NLRP2: variants seen among roughly 807,000 people sequenced by gnomAD.
The protein encoded by NLRP2 is NLR family pyrin domain containing 2, also known as NACHT, LRR and PYD domains-containing protein 2.
In NLRP2, 107 loss-of-function variants were observed where a neutral mutation model predicts 97.2. The ratio of observed to expected loss-of-function variants is 1.10; its 90% CI spans 0.94 to 1.29. The LOEUF (loss-of-function observed/expected upper bound fraction) is 1.29, where lower values mean the gene tolerates loss of function less well. NLRP2 is among the 50% of genes most tolerant of loss of function. The pLI, the probability that NLRP2 is intolerant of heterozygous loss-of-function variation, is 0.00. For missense variants in NLRP2, 1,495 were observed against 1,330.3 expected (o/e 1.12, Z -1.93); for synonymous variants, 663 against 551.5 (o/e 1.20, Z -2.83).
chr19:54,995,298 C>T (rs2072748599), intron 11 of NLRP2, among the ~76,000 whole-genome samples: 1 of 142,066 alleles, frequency 7.0e-6, no homozygotes, highest in Admixed American at 7.5e-5. Context: ...TCAAGTGATT[C>T]TCCTGCCTTA....
At chr19:54,972,275 GGGTTC>G (rs1290623144) in intron 2 of NLRP2, among the ~76,000 whole-genome samples, 6 of 151,898 alleles carry the variant, frequency 4.0e-5, no homozygotes, top group Non-Finnish European at 8.8e-5. Context: ...CCCGCCCCCT[GGGTTC>G]AAGTGTTTCT....
chr19:54,977,760 C>A lies in NLRP2; in HGVS notation c.334C>A (p.Arg112=). 6.2e-7 allele frequency: 1 copy of A among 1,613,754 alleles called. No individual in the cohort carries two copies. The highest frequency in any genetic ancestry group is 8.5e-7 in the Non-Finnish European group (1 of 1,180,002). The change falls in exon 4 of 13, where the codon CGG becomes AGG. Residue 112 remains arginine (R), a synonymous_variant. Coordinates refer to ENST00000448584, the MANE Select transcript of NLRP2 (RefSeq NM_017852.5). ...KRKPLSLGIT[R]KERPPLDVDE... ...CCGCCCTTTTTCTCCAGGGATAACACGGAAAGAACGACCACCTCTAGACGT... is the reference window on the plus strand; with the variant it reads ...CCGCCCTTTTTCTCCAGGGATAACAAGGAAAGAACGACCACCTCTAGACGT...
chr19:54,983,425 G>A lies in NLRP2; in HGVS notation c.1727G>A (p.Arg576Gln), dbSNP rs146643490. Residue 576 changes from arginine to glutamine, a missense_variant, in exon 6 of 13, where the codon CGG (arginine) becomes CAG (glutamine). Coordinates refer to ENST00000448584, the MANE Select transcript of NLRP2 (RefSeq NM_017852.5). ...GAGTTGGAGGCCACTTTTGGCTGCC[G>A]GATGTCACCGGACATCAAACAGGAA... Reference protein sequence around the residue: ...AKELEATFGCRMSPDIKQELL... With the variant: ...AKELEATFGCQMSPDIKQELL... 665 of 1,614,186 alleles carry A rather than the reference G, an allele frequency of 4.1e-4. 4 individuals are homozygous for A. The highest frequency in any genetic ancestry group is 1.9e-4 in the African/African-American group (14 of 75,048).
rs529613444 is a variant in NLRP2, at chr19:54,993,106, C to CT, written c.2709-1161dup. On this transcript the variant is annotated intron_variant, in intron 10 of 12. Transcript: ENST00000448584. The stretch of plus-strand genomic sequence containing the variant: ...GTGGTGTCGGAGCCTGTAATCCCAG[C>CT]TTACTTGGGAGGGTGAGGCAGAGAA... The CT allele has an allele frequency of 5.7e-4, 86 of 150,814 alleles. 1 individual carries two copies. The highest frequency in any genetic ancestry group is 1.9e-3 in the African/African-American group (80 of 41,048). The allele number at this position is 150,814 out of a possible 1,614,324, so 9.3% of individuals were successfully genotyped here.
intron 1 of NLRP2, among the ~76,000 whole-genome samples, chr19:54,968,620 G>GCC (rs1270753954): frequency 6.6e-6 from 1 of 151,134 alleles, no homozygotes; most frequent in Non-Finnish European, 1.5e-5. Context: ...GTGAGCCATG[G>GCC]CCCCCCGGCC....
At chr19:54,995,177 G>C (rs1255166709) in intron 11 of NLRP2, among the ~76,000 whole-genome samples, 28 of 139,500 alleles carry the variant, frequency 2.0e-4, no homozygotes, top group African/African-American at 7.0e-4. Flanking sequence ...GAGCATAGTA[G>C]TGGGTGCCTC....
At chr19:54,980,103 G>A (rs2071478225) in intron 4 of NLRP2, among the ~76,000 whole-genome samples, 1 of 151,832 alleles carries the variant, frequency 6.6e-6, no homozygotes, top group African/African-American at 2.4e-5. Flanking sequence ...AAGAATTTCG[G>A]TGCGACTTGG....
chr19:54,969,822 G>A (rs938737754), intron 1 of NLRP2, among the ~76,000 whole-genome samples, 177 bp from the exon 2 acceptor site: 1 of 152,126 alleles, frequency 6.6e-6, no homozygotes, highest in African/African-American at 2.4e-5. Flanking sequence ...ACCACCCACT[G>A]CTAACTTATT....
intron 3 of NLRP2, among the ~76,000 whole-genome samples, chr19:54,975,986 T>G (rs2146379608): frequency 6.6e-6 from 1 of 152,042 alleles, no homozygotes; most frequent in South Asian, 2.1e-4. Flanking sequence ...TGGTCTCAAG[T>G]GATCCTCCCA....
chr19:54,967,941 CAA>C (rs1200166456), intron 1 of NLRP2, among the ~76,000 whole-genome samples: 1 of 100,174 alleles, frequency 1.0e-5, no homozygotes, highest in Non-Finnish European at 2.4e-5. Flanking sequence ...TTTTTTGAGA[CAA>C]AGTCTAGCTC....
chr19:54,973,243 C>T (rs535574492), intron 2 of NLRP2, among the ~76,000 whole-genome samples: 7 of 151,040 alleles, frequency 4.6e-5, no homozygotes, highest in African/African-American at 1.7e-4. Context: ...TACTCCTCAA[C>T]CTTAAGGAAC....
At chr19:54,974,587 TG>T (rs1312593951) in intron 3 of NLRP2, 43 bp downstream of exon 3, 3 of 1,339,768 alleles carry the variant, frequency 2.2e-6, no homozygotes, top group Non-Finnish European at 3.2e-6. Context: ...ATGTGAGATC[TG>T]GGGACTCGGG....
rs776117162 is a variant in NLRP2, at chr19:54,970,111, C to A, written c.96C>A (p.Thr32=). Residue 32 remains threonine (T), a synonymous_variant, in exon 2 of 13, where the codon ACC becomes ACA. Coordinates refer to ENST00000448584, the MANE Select transcript of NLRP2 (RefSeq NM_017852.5). The stretch of plus-strand genomic sequence containing the variant: ...GCAAGTTCAAGTATCTGATCACGAC[C>A]TTCTCCCTGGCACACGAGCTCCAGA... ...ELSKFKYLIT[T]FSLAHELQKI... is the part of the protein sequence containing the mutation. 1 of 1,613,962 alleles carries A rather than the reference C, an allele frequency of 6.2e-7. No homozygotes were observed. The highest frequency in any genetic ancestry group is 1.3e-5 in the African/African-American group (1 of 74,884).
At position 54,983,162 on chromosome 19, in the gene NLRP2, C is replaced by G; in HGVS notation, c.1464C>G (p.Ile488Met). ...SDLRLFLDGDILRQDRVSKGC... is the reference protein window; with the variant it reads ...SDLRLFLDGDMLRQDRVSKGC... The stretch of plus-strand genomic sequence containing the variant: ...TCCGTCTGTTCCTGGACGGAGACAT[C>G]CTCCGCCAGGACAGAGTCTCCAAAG... The change falls in exon 6 of 13, where the codon ATC becomes ATG. Residue 488 changes from isoleucine (I) to methionine (M), a missense_variant. Coordinates refer to ENST00000448584, the MANE Select transcript of NLRP2 (RefSeq NM_017852.5). 1 of 1,613,992 alleles carries G rather than the reference C, an allele frequency of 6.2e-7. No individual in the cohort carries two copies. The highest frequency in any genetic ancestry group is 8.5e-7 in the Non-Finnish European group (1 of 1,180,002).
chr19:54,989,635 A>G (rs2072325184), intron 8 of NLRP2: 1 of 340,732 alleles, frequency 2.9e-6, no homozygotes, highest in South Asian at 2.7e-5. Flanking sequence ...AAGTCGGGGT[A>G]TAACACAACC....
At chr19:54,973,793 C>T in intron 2 of NLRP2, 2 of 579,494 alleles carry the variant, frequency 3.5e-6, no homozygotes, top group Non-Finnish European at 6.7e-6. Flanking sequence ...ATTTTCTTTC[C>T]ATGCCAATAG....
At chr19:54,982,086 G>A in intron 5 of NLRP2, 76 bp from the exon 6 acceptor site, 4 of 1,586,982 alleles carry the variant, frequency 2.5e-6, no homozygotes, top group Non-Finnish European at 3.4e-6. Flanking sequence ...CCAACACAAG[G>A]CATTTTGTTA....
At chr19:54,968,981 G>A (rs150200177) in intron 1 of NLRP2, among the ~76,000 whole-genome samples, 445 of 151,994 alleles carry the variant, frequency 2.9e-3, no homozygotes, top group African/African-American at 0.01. Flanking sequence ...GATTGCAGGC[G>A]TGAGCCACCG....
chr19:54,992,442 G>A (rs569026332), intron 10 of NLRP2, among the ~76,000 whole-genome samples: 1 of 148,422 alleles, frequency 6.7e-6, no homozygotes, highest in South Asian at 2.2e-4. Flanking sequence ...CCCACAAGCA[G>A]TGAGATGTCA....
Sources: gnomAD v4.1 joint callset for allele counts (sites outside exome capture counted in the v4.1 genomes callset) on GRCh38, gnomAD v4.1.1 for gene constraint, MANE v1.5 for transcripts, NCBI Gene and HGNC (gene_info 2026-07-23, HGNC 2026-07-21) for gene names.